The following DCPS variants were observed in gnomAD, a reference collection of about 807,000 sequenced individuals.
The protein encoded by DCPS is m7GpppX diphosphatase.
In DCPS, 27 loss-of-function variants were observed where a neutral mutation model predicts 34.7. That is an observed-to-expected ratio of 0.78 (90% CI 0.57 to 1.07). The LOEUF is 1.07. DCPS is among the 50% of genes least tolerant of loss of function. The probability of loss-of-function intolerance (pLI) is 0.00; values close to 1 mark genes in which losing one functional copy is unlikely to be tolerated. For missense variants in DCPS, 464 were observed against 436.9 expected, an observed-to-expected ratio of 1.06 and a Z score of -0.55; for synonymous variants, 185 against 185.7, an observed-to-expected ratio of 1.00 and a Z score of 0.03.
In DCPS at chr11:126,328,391, T is replaced by A. The variant is rs1440047680; in HGVS notation, c.377-3014T>A. On this transcript the variant is annotated intron_variant, in intron 2 of 5. Transcript: ENST00000263579. This position sits in a 1 kb window ranked among gnomAD's most constrained non-coding sequence, Gnocchi z 6.6. ...TGCTCTAGGGGGACGTGGGGAGCTC[T>A]GAGAGTCCTGCAGTCAGGTTCCCAT... is the stretch of plus-strand genomic sequence containing the variant. 6.6e-6 allele frequency among the ~76,000 whole-genome samples: 1 copy of A among 152,042 alleles called. No individual in the cohort carries two copies. The highest frequency in any genetic ancestry group is 1.5e-5 in the Non-Finnish European group (1 of 67,972).
At position 126,333,943 on chromosome 11, in the gene DCPS, G is replaced by C. The variant is rs1951811215; in HGVS notation, c.522+2393G>C. Among the ~76,000 whole-genome samples the C allele has an allele frequency of 6.6e-6, 1 of 152,036 alleles. No individual in the cohort carries two copies. The highest frequency in any genetic ancestry group is 2.4e-5 in the African/African-American group (1 of 41,372). ...GAGAACAGTTGCCATAGGCAGTGAG[G>C]GTGCCCTAAACGGTTTTAAGCATGT... On this transcript the variant is annotated intron_variant, in intron 3 of 5. Transcript: ENST00000263579. The surrounding 1 kb of genome is among the most constrained non-coding windows in gnomAD (Gnocchi z 5.7).
In DCPS at chr11:126,329,194, T is replaced by TA. The variant is rs1951763529; in HGVS notation, c.377-2210dup. 1.3e-5 allele frequency among the ~76,000 whole-genome samples: 2 copies of TA among 152,156 alleles called. No homozygotes were observed. Among genetic ancestry groups the TA allele is most frequent in the South Asian group, 4.1e-4 (2 of 4,828 alleles). ...CCCATGACCTATGACGCTGAGCTGT[T>TA]AGAGAACAGAGTGAGAAGCAAGAAA... On this transcript the variant is annotated intron_variant, in intron 2 of 5. Transcript: ENST00000263579. The surrounding 1 kb of genome is among the most constrained non-coding windows in gnomAD (Gnocchi z 5.0).
chr11:126,345,948 C>G lies in DCPS; in HGVS notation c.*335C>G, dbSNP rs1204759256. ...CCGTCCGTGGTGGCTTCCTTCTCCCCACTCTGTGCCTCTCCTGTTTGTACA... is the reference window on the plus strand; with the variant it reads ...CCGTCCGTGGTGGCTTCCTTCTCCCGACTCTGTGCCTCTCCTGTTTGTACA... On this transcript the variant is annotated 3_prime_UTR_variant, in exon 6 of 6. Transcript: ENST00000263579. This position sits in a 1 kb window ranked among gnomAD's most constrained non-coding sequence, Gnocchi z 7.4. Among the ~76,000 whole-genome samples the G allele has an allele frequency of 1.3e-5, 2 of 152,124 alleles. No individual in the cohort carries two copies. The highest frequency in any genetic ancestry group is 2.9e-5 in the Non-Finnish European group (2 of 68,024).
In DCPS at chr11:126,335,127, A is replaced by G. The variant is rs1251364086; in HGVS notation, c.523-3159A>G. Among the ~76,000 whole-genome samples the G allele has an allele frequency of 2.0e-5, 3 of 152,250 alleles. No homozygotes were observed. Among genetic ancestry groups the G allele is most frequent in the Non-Finnish European group, 4.4e-5 (3 of 68,044 alleles). ...AGGCACAGCAATGGGCAGAGCTAAG[A>G]CACCTGGGAGACGTGGCCAGGCCAC... On this transcript the variant is annotated intron_variant, in intron 3 of 5. Transcript: ENST00000263579. This position sits in a 1 kb window ranked among gnomAD's most constrained non-coding sequence, Gnocchi z 4.8.
rs1951684828 is a variant in DCPS, at chr11:126,319,171, G to C, written c.377-12234G>C. Among the ~76,000 whole-genome samples, 1 of 152,048 alleles carries C rather than the reference G, an allele frequency of 6.6e-6. No homozygotes were observed. On this transcript the variant is annotated intron_variant, in intron 2 of 5. Transcript: ENST00000263579. The surrounding 1 kb of genome is among the most constrained non-coding windows in gnomAD (Gnocchi z 4.5). ...TGCCTAGAGGGGCGCTTTTCAGCTG[G>C]AGGCATCACTATCATCATTCTCGCC...
At chr11:126,305,099 A>C (rs1397659784) in intron 1 of DCPS, among the ~76,000 whole-genome samples, 4 of 152,034 alleles carry the variant, frequency 2.6e-5, no homozygotes, top group Admixed American at 2.6e-4. Flanking sequence ...CTGGTTTTTA[A>C]ATTTTTATTT....
chr11:126,333,536 T>G lies in DCPS; in HGVS notation c.522+1986T>G. Among the ~76,000 whole-genome samples the G allele has an allele frequency of 6.6e-6, 1 of 152,318 alleles. No individual in the cohort carries two copies. The highest frequency in any genetic ancestry group is 1.9e-4 in the East Asian group (1 of 5,184). On this transcript the variant is annotated intron_variant, in intron 3 of 5. Coordinates refer to ENST00000263579, the MANE Select transcript of DCPS (RefSeq NM_014026.6). This position sits in a 1 kb window ranked among gnomAD's most constrained non-coding sequence, Gnocchi z 5.7. The stretch of plus-strand genomic sequence containing the variant: ...CTTCACAGGGAGAGGATCCTCCCCT[T>G]GGGTCTTACAGGACAAATAGAAGTT...
rs540634399 is a variant in DCPS, at chr11:126,345,554, T to G, written c.955T>G (p.Phe319Val). 21 of 1,613,932 alleles carry G rather than the reference T, an allele frequency of 1.3e-5. No individual in the cohort carries two copies. In the South Asian group the frequency reaches 2.3e-4, roughly 18 times the overall value. The change falls in exon 6 of 6, where the codon TTC becomes GTC. Residue 319 changes from phenylalanine (F) to valine (V), a missense_variant. Transcript: ENST00000263579. This position sits in a 1 kb window ranked among gnomAD's most constrained non-coding sequence, Gnocchi z 7.4. ...PRHYQQRTLTFALRADDPLLK... is the reference protein window; with the variant it reads ...PRHYQQRTLTVALRADDPLLK... Reference sequence around the variant, plus strand: ...GCACTACCAGCAGCGCACGCTCACCTTCGCCCTCAGGGCTGACGACCCCCT... The same window carrying G: ...GCACTACCAGCAGCGCACGCTCACCGTCGCCCTCAGGGCTGACGACCCCCT...
Position 126,349,382 on chromosome 11 carries a change from C to G in DCPS, c.*3769C>G, listed in dbSNP as rs1951969477. The stretch of plus-strand genomic sequence containing the variant: ...CACGACTGGCTTTTAGCCCTCAACA[C>G]TTGGCCTACATTCTTTCTGGCTTGG... On this transcript the variant is annotated 3_prime_UTR_variant, in exon 6 of 6. Coordinates refer to ENST00000263579, the MANE Select transcript of DCPS (RefSeq NM_014026.6). The surrounding 1 kb of genome is among the most constrained non-coding windows in gnomAD (Gnocchi z 5.4). Among the ~76,000 whole-genome samples the G allele has an allele frequency of 6.6e-6, 1 of 152,236 alleles. No homozygotes were observed. The highest frequency in any genetic ancestry group is 1.9e-4 in the East Asian group (1 of 5,206).
Position 126,345,929 on chromosome 11 carries a change from G to A in DCPS, c.*316G>A, listed in dbSNP as rs1382315549. Among the ~76,000 whole-genome samples the A allele has an allele frequency of 2.0e-5, 3 of 152,082 alleles. No individual in the cohort carries two copies. Among genetic ancestry groups the A allele is most frequent in the East Asian group, 1.9e-4 (1 of 5,178 alleles). ...CTCCAAGCCCCAGGGCTCACCGTCC[G>A]TGGTGGCTTCCTTCTCCCCACTCTG... On this transcript the variant is annotated 3_prime_UTR_variant, in exon 6 of 6. Coordinates refer to ENST00000263579, the MANE Select transcript of DCPS (RefSeq NM_014026.6). The surrounding 1 kb of genome is among the most constrained non-coding windows in gnomAD (Gnocchi z 7.4).
chr11:126,306,878 C>T, intron 2 of DCPS, 134 bp downstream of exon 2: 1 of 1,091,940 alleles, frequency 9.2e-7, no homozygotes, highest in Non-Finnish European at 1.2e-6. Flanking sequence ...CCCTAGGGGA[C>T]ATTTGGCCAT....
chr11:126,345,351 C>G lies in DCPS; in HGVS notation c.752C>G (p.Ala251Gly). 1 of 1,613,774 alleles carries G rather than the reference C, an allele frequency of 6.2e-7. No homozygotes were observed. Among genetic ancestry groups the G allele is most frequent in the Non-Finnish European group, 8.5e-7 (1 of 1,179,956 alleles). Residue 251 changes from alanine (A) to glycine (G), a missense_variant, in exon 6 of 6, where the codon GCC becomes GGC. Transcript: ENST00000263579. The surrounding 1 kb of genome is among the most constrained non-coding windows in gnomAD (Gnocchi z 7.4). ...LRNILHQGQEAILQRYRMKGD... is the reference protein window; with the variant it reads ...LRNILHQGQEGILQRYRMKGD... ...TGCCTGCCCCTGTCTCATCAGGAGG[C>G]CATCCTGCAGCGCTACCGGATGAAG...
Position 126,322,354 on chromosome 11 carries a change from C to T in DCPS, c.377-9051C>T, listed in dbSNP as rs1951713923. 2.0e-5 allele frequency among the ~76,000 whole-genome samples: 3 copies of T among 152,112 alleles called. No homozygotes were observed. The highest frequency in any genetic ancestry group is 2.4e-5 in the African/African-American group (1 of 41,424). ...TCTTGGCTCACTGCAACCTCCGTCT[C>T]CTGGGTTCAAGCAATTCTCCTGTCT... On this transcript the variant is annotated intron_variant, in intron 2 of 5. Coordinates refer to ENST00000263579, the MANE Select transcript of DCPS (RefSeq NM_014026.6). This position sits in a 1 kb window ranked among gnomAD's most constrained non-coding sequence, Gnocchi z 4.2.
intron 4 of DCPS, chr11:126,340,805 A>C (rs1035216093): frequency 1.3e-5 from 2 of 152,242 alleles, no homozygotes; most frequent in Admixed American, 6.5e-5. Context: ...TGTATTTATC[A>C]GGTGCCTGTT....
rs1365349002 is a variant in DCPS, at chr11:126,329,885, C to T, written c.377-1520C>T. Among the ~76,000 whole-genome samples the T allele has an allele frequency of 6.6e-6, 1 of 152,142 alleles. No individual in the cohort carries two copies. The highest frequency in any genetic ancestry group is 1.5e-5 in the Non-Finnish European group (1 of 68,022). On this transcript the variant is annotated intron_variant, in intron 2 of 5. Coordinates refer to ENST00000263579, the MANE Select transcript of DCPS (RefSeq NM_014026.6). This position sits in a 1 kb window ranked among gnomAD's most constrained non-coding sequence, Gnocchi z 5.0. ...TGAAATGTGCCCGCTGGGTTTTCAG[C>T]TCTCTCGGGTTTCCCTGGGAGAGCC...
chr11:126,345,523 C>A lies in DCPS; in HGVS notation c.924C>A (p.Asp308Glu). 6.2e-7 allele frequency: 1 copy of A among 1,614,080 alleles called. No individual in the cohort carries two copies. The highest frequency in any genetic ancestry group is 1.3e-5 in the African/African-American group (1 of 75,054). The part of the protein sequence containing the change: ...LAEVIENLEC[D>E]PRHYQQRTLT... Reference sequence around the variant, plus strand: ...AGGTGATCGAGAACTTGGAGTGTGACCCTAGGCACTACCAGCAGCGCACGC... The same window carrying A: ...AGGTGATCGAGAACTTGGAGTGTGAACCTAGGCACTACCAGCAGCGCACGC... The change falls in exon 6 of 6, where the codon GAC becomes GAA. Residue 308 changes from aspartate to glutamate, a missense_variant. Coordinates refer to ENST00000263579, the MANE Select transcript of DCPS (RefSeq NM_014026.6). The surrounding 1 kb of genome is among the most constrained non-coding windows in gnomAD (Gnocchi z 7.4).
Position 126,310,701 on chromosome 11 carries a change from A to G in DCPS, c.376+3957A>G, listed in dbSNP as rs138596548. ...CATTGCCAAAATAGTCCTGTGGCCC[A>G]CTCCAGCTGTCCCCTCTGTGGGAAG... is the stretch of plus-strand genomic sequence containing the variant. On this transcript the variant is annotated intron_variant, in intron 2 of 5. Coordinates refer to ENST00000263579, the MANE Select transcript of DCPS (RefSeq NM_014026.6). Among the ~76,000 whole-genome samples the G allele has an allele frequency of 4.4e-3, 672 of 152,204 alleles. 8 individuals are homozygous for G. The highest frequency in any genetic ancestry group is 0.015 in the African/African-American group (637 of 41,544).
At chr11:126,316,716 C>T (rs1029448474) in intron 2 of DCPS, among the ~76,000 whole-genome samples, 6 of 149,180 alleles carry the variant, frequency 4.0e-5, no homozygotes, top group Admixed American at 1.3e-4. Flanking sequence ...GCGGTGGCGT[C>T]GTGATCTCAG....
rs560332323 is a variant in DCPS, at chr11:126,320,929, CAGGAGAGTAGAGCAGAA to C, written c.377-10474_377-10458del. 9.9e-5 allele frequency among the ~76,000 whole-genome samples: 15 copies of C among 152,230 alleles called. No homozygotes were observed. The East Asian group carries it at 2.9e-3, about 29-fold the overall frequency. On this transcript the variant is annotated intron_variant, in intron 2 of 5. Transcript: ENST00000263579. The surrounding 1 kb of genome is among the most constrained non-coding windows in gnomAD (Gnocchi z 4.7). ...GGAACTTGCTCCTTCCTTGCCCCAG[CAGGAGAGTAGAGCAGAA>C]ATGTCTGGAGAGGGTGACATACCAG... is the stretch of plus-strand genomic sequence containing the variant.
Sources: gnomAD v4.1 joint callset for allele counts (sites outside exome capture counted in the v4.1 genomes callset) on GRCh38, gnomAD v4.1.1 for gene constraint, Gnocchi (gnomAD v3.1) non-coding constraint, MANE v1.5 for transcripts, NCBI Gene and HGNC (gene_info 2026-07-23, HGNC 2026-07-21) for gene names.